DNAJC5B: variants seen among roughly 807,000 people sequenced by gnomAD.
The protein encoded by DNAJC5B is DnaJ heat shock protein family (Hsp40) member C5 beta.
In DNAJC5B, 23 loss-of-function variants were observed where a neutral mutation model predicts 24.7. The observed-to-expected ratio is 0.93, with a 90% CI of 0.67 to 1.32. The LOEUF (loss-of-function observed/expected upper bound fraction) is 1.32, where lower values mean the gene tolerates loss of function less well. Ranked by LOEUF, DNAJC5B falls within the 40% of genes most tolerant of loss-of-function variation. The pLI is 0.00. For synonymous variants in DNAJC5B, 101 were observed against 90.1 expected, an observed-to-expected ratio of 1.12 and a Z score of -0.68; for missense variants, 238 against 240.8, an observed-to-expected ratio of 0.99 and a Z score of 0.08.
At chr8:66,060,505 A>G (rs1004830501) in intron 3 of DNAJC5B, among the ~76,000 whole-genome samples, 3 of 152,220 alleles carry the variant, frequency 2.0e-5, no homozygotes, top group Non-Finnish European at 4.4e-5. Context: ...ATGGGCGACA[A>G]TGACTCAAAG....
intron 1 of DNAJC5B, among the ~76,000 whole-genome samples, chr8:66,041,133 C>T (rs1485240289): frequency 6.6e-6 from 1 of 152,160 alleles, no homozygotes; most frequent in Non-Finnish European, 1.5e-5. Flanking sequence ...GATGATTTAT[C>T]TCTTTGAAAT....
At chr8:66,084,559 C>A (rs1172523073) in intron 5 of DNAJC5B, among the ~76,000 whole-genome samples, 1 of 152,128 alleles carries the variant, frequency 6.6e-6, no homozygotes, top group Non-Finnish European at 1.5e-5. Flanking sequence ...TTCTAGGCAG[C>A]TGCTCAGTTG....
intron 3 of DNAJC5B, among the ~76,000 whole-genome samples, chr8:66,052,182 T>C (rs1248303579): frequency 6.6e-6 from 1 of 151,060 alleles, no homozygotes. Context: ...GGTCTCGAAC[T>C]CCTGACCTCA....
intron 3 of DNAJC5B, among the ~76,000 whole-genome samples, chr8:66,058,227 C>T (rs1807008349): frequency 6.6e-6 from 1 of 152,156 alleles, no homozygotes; most frequent in South Asian, 2.1e-4. Context: ...TAAATAGTTT[C>T]CTATTGATAG....
chr8:66,032,427 C>A (rs116758688), intron 1 of DNAJC5B, among the ~76,000 whole-genome samples: 1 of 152,252 alleles, frequency 6.6e-6, no homozygotes, highest in African/African-American at 2.4e-5. Flanking sequence ...TTGAAAGCTA[C>A]GTGCTCGTGC....
intron 3 of DNAJC5B, among the ~76,000 whole-genome samples, chr8:66,071,650 C>T (rs947731451): frequency 2.4e-4 from 37 of 152,124 alleles, no homozygotes; most frequent in African/African-American, 8.0e-4. Flanking sequence ...GGCGATTCCT[C>T]AAGGATCTAG....
rs188529608 is a variant in DNAJC5B at position 66,074,212 on chromosome 8, G to A, written c.120-2448G>A. Among the ~76,000 whole-genome samples the A allele has an allele frequency of 7.2e-5, 11 of 152,282 alleles. No individual in the cohort carries two copies. In the East Asian group the frequency reaches 2.1e-3, roughly 29 times the overall value. On this transcript the variant is annotated intron_variant, in intron 3 of 5. Transcript: ENST00000276570. ...AGACATTAAAATATTTTAAGAGCTG[G>A]GGCAGCATGGTTAGAATCAGGCCTC... is the stretch of plus-strand genomic sequence containing the variant.
Position 66,100,058 on chromosome 8 carries a change from C to A in DNAJC5B, c.*27C>A. On this transcript the variant is annotated 3_prime_UTR_variant, in exon 6 of 6. Coordinates refer to ENST00000276570, the MANE Select transcript of DNAJC5B (RefSeq NM_033105.6). ...ATTGAGCCCTCAGAGAGTCCACAGT[C>A]CCTCCTCTCAGTTCAGTCTTGTCTC... The A allele has an allele frequency of 6.3e-7, 1 of 1,598,824 alleles. No individual in the cohort carries two copies.
intron 3 of DNAJC5B, among the ~76,000 whole-genome samples, chr8:66,068,910 G>GACAGAGGACAAAA (rs1807283392): frequency 6.6e-6 from 1 of 152,086 alleles, no homozygotes; most frequent in African/African-American, 2.4e-5. Context: ...GGTAACAGAA[G>GACAGAGGACAAAA]CCAGAAGACA....
intron 2 of DNAJC5B, among the ~76,000 whole-genome samples, chr8:66,048,502 T>C (rs1173146701): frequency 6.6e-6 from 1 of 152,230 alleles, no homozygotes; most frequent in Middle Eastern, 3.4e-3. Context: ...AGTCTCTAAG[T>C]TCTCCCCCAG....
Position 66,080,379 on chromosome 8 carries a change from C to T in DNAJC5B, c.336C>T (p.Ala112=). The T allele has an allele frequency of 6.2e-7, 1 of 1,611,586 alleles. No individual in the cohort carries two copies. The highest frequency in any genetic ancestry group is 1.7e-5 in the Admixed American group (1 of 59,928). ...YFMLSSWWAK[A]LFVIVGLLTG... ...TTGCTTTACCTCTGTTTCCCTAGGC[C>T]CTGTTTGTCATCGTTGGCCTCTTGA... Residue 112 remains alanine, a splice_region_variant and synonymous_variant, in exon 5 of 6, where the codon GCC becomes GCT. Coordinates refer to ENST00000276570, the MANE Select transcript of DNAJC5B (RefSeq NM_033105.6).
At chr8:66,021,298 A>G (rs2128954782), upstream of DNAJC5B, among the ~76,000 whole-genome samples, 1 of 152,326 alleles carries the variant, frequency 6.6e-6, no homozygotes, top group East Asian at 1.9e-4. Context: ...CTCTCCCCAC[A>G]GTTAAGATCC....
intron 1 of DNAJC5B, among the ~76,000 whole-genome samples, chr8:66,028,468 C>T (rs1479278165): frequency 1.3e-5 from 2 of 152,108 alleles, no homozygotes; most frequent in East Asian, 1.9e-4. Flanking sequence ...TAATTAGGCA[C>T]GAGGGCTTCT....
intron 1 of DNAJC5B, among the ~76,000 whole-genome samples, chr8:66,040,051 T>C (rs1278977442): frequency 1.3e-5 from 2 of 152,098 alleles, no homozygotes; most frequent in African/African-American, 4.8e-5. Flanking sequence ...AAAAGTAAAA[T>C]GGGTTTATAT....
chr8:66,086,578 C>A (rs1208397685), intron 5 of DNAJC5B, among the ~76,000 whole-genome samples: 6 of 152,076 alleles, frequency 3.9e-5, no homozygotes, highest in Admixed American at 2.0e-4. Flanking sequence ...GAGGAGCCAA[C>A]CCTCACTGGC....
At position 66,076,781 on chromosome 8, in the gene DNAJC5B, G is replaced by A; in HGVS notation, c.241G>A (p.Asp81Asn). Residue 81 changes from aspartate (D) to asparagine (N), a missense_variant, in exon 4 of 6, where the codon GAC becomes AAC. Transcript: ENST00000276570. Reference sequence around the variant, plus strand: ...CGACATTTCAAAGAGAAGCATATACGACAAGTACGGATCGCTGGGACTCTA... The same window carrying A: ...CGACATTTCAAAGAGAAGCATATACAACAAGTACGGATCGCTGGGACTCTA... ...LTDISKRSIY[D>N]KYGSLGLYVA... is the part of the protein sequence containing the mutation. The A allele has an allele frequency of 1.2e-6, 2 of 1,614,152 alleles. No homozygotes were observed. Among genetic ancestry groups the A allele is most frequent in the African/African-American group, 1.3e-5 (1 of 75,032 alleles).
At chr8:66,094,314 T>C (rs545831900) in intron 5 of DNAJC5B, among the ~76,000 whole-genome samples, 2 of 152,110 alleles carry the variant, frequency 1.3e-5, no homozygotes, top group South Asian at 4.1e-4. Context: ...ATATGTGACA[T>C]GGTATATTTC....
At chr8:66,038,966 AGTTTACTTAACCAAAG>A (rs1444008842) in intron 1 of DNAJC5B, among the ~76,000 whole-genome samples, 1 of 152,260 alleles carries the variant, frequency 6.6e-6, no homozygotes, top group African/African-American at 2.4e-5. Context: ...CTTAACCAAA[AGTTTACTTAACCAAAG>A]GAAGCAAGTT....
intron 3 of DNAJC5B, among the ~76,000 whole-genome samples, chr8:66,066,984 G>A (rs1323737381): frequency 6.8e-6 from 1 of 146,944 alleles, no homozygotes; most frequent in Non-Finnish European, 1.5e-5. Flanking sequence ...AAAGCTAGGG[G>A]CCAATACACA....
Sources: allele counts gnomAD v4.1 joint callset (sites outside exome capture counted in the v4.1 genomes callset), GRCh38; gene constraint gnomAD v4.1.1; transcripts MANE v1.5; gene names NCBI Gene and HGNC (gene_info 2026-07-23, HGNC 2026-07-21).